MRC2: variants seen among roughly 807,000 people sequenced by gnomAD.
The protein encoded by MRC2 is C-type mannose receptor 2.
MRC2 carries 84 observed loss-of-function variants against 206.2 expected under a neutral mutation model. That is an observed-to-expected ratio of 0.41 (90% CI 0.34 to 0.49). The LOEUF is 0.49. MRC2 is among the 20% of genes least tolerant of loss of function. The pLI is 0.31. For missense variants in MRC2, 1,676 were observed against 2,001.5 expected, an observed-to-expected ratio of 0.84 and a Z score of 3.10; for synonymous variants, 798 against 800.0, an observed-to-expected ratio of 1.00 and a Z score of 0.04.
At chr17:62,690,910 C>T (rs2089102202) in intron 27 of MRC2, 39 bp from the exon 28 acceptor site, 1 of 1,532,196 alleles carries the variant, frequency 6.5e-7, no homozygotes, top group Non-Finnish European at 8.8e-7. Flanking sequence ...ACTCCTGCCC[C>T]ACCTTGTCCC....
At chr17:62,674,304 C>A in intron 9 of MRC2, 134 bp downstream of exon 9, 3 of 627,646 alleles carry the variant, frequency 4.8e-6, no homozygotes, top group Non-Finnish European at 5.4e-6. Flanking sequence ...CTGAGCTCTC[C>A]AAACTGCTCC....
In MRC2 at chr17:62,664,969, C is replaced by G; in HGVS notation, c.520+20C>G. The G allele has an allele frequency of 2.5e-6, 4 of 1,579,442 alleles. No homozygotes were observed. Among genetic ancestry groups the G allele is most frequent in the Non-Finnish European group, 3.4e-6 (4 of 1,164,964 alleles). ...ACCACGGTGAGGGGCCGCTTGCAGG[C>G]GGGAGGGTGGGGTCCCCGATGTCCA... On this transcript the variant is annotated intron_variant, in intron 2 of 29. Coordinates refer to ENST00000303375, the MANE Select transcript of MRC2 (RefSeq NM_006039.5). The surrounding 1 kb of genome is among the most constrained non-coding windows in gnomAD (Gnocchi z 4.7).
At chr17:62,631,339 C>G (rs2084214516) in intron 1 of MRC2, among the ~76,000 whole-genome samples, 1 of 152,038 alleles carries the variant, frequency 6.6e-6, no homozygotes, top group Admixed American at 6.6e-5. Context: ...GAGCAGGTGT[C>G]AGAGATTTGC....
chr17:62,648,403 G>T (rs1349222913), intron 1 of MRC2, among the ~76,000 whole-genome samples: 1 of 152,248 alleles, frequency 6.6e-6, no homozygotes, highest in African/African-American at 2.4e-5. Flanking sequence ...CCCAGTGTCT[G>T]CCAGGCCAAG....
intron 1 of MRC2, among the ~76,000 whole-genome samples, chr17:62,661,434 T>A (rs2088678001): frequency 6.6e-6 from 1 of 152,234 alleles, no homozygotes; most frequent in African/African-American, 2.4e-5. Context: ...TGTTGATACT[T>A]TCCCTAAGTT....
Position 62,666,685 on chromosome 17 carries a change from G to A in MRC2, c.859+66G>A, listed in dbSNP as rs2088760154. 6.4e-7 allele frequency: 1 copy of A among 1,566,444 alleles called. No homozygotes were observed. Among genetic ancestry groups the A allele is most frequent in the South Asian group, 1.2e-5 (1 of 84,456 alleles). On this transcript the variant is annotated intron_variant, in intron 4 of 29. Coordinates refer to ENST00000303375, the MANE Select transcript of MRC2 (RefSeq NM_006039.5). The surrounding 1 kb of genome is among the most constrained non-coding windows in gnomAD (Gnocchi z 5.0). ...CCGGGCCCTTTCCGCTTGTGGGTTG[G>A]GGAGAGGGCGATGGGGAGCGGGGGA...
intron 20 of MRC2, among the ~76,000 whole-genome samples, chr17:62,684,591 A>C (rs937922055): frequency 9.2e-5 from 14 of 152,058 alleles, no homozygotes; most frequent in African/African-American, 4.8e-5. Flanking sequence ...TTAGTCCTTC[A>C]TTGTTTTTAC....
chr17:62,636,203 A>G (rs1005322290), intron 1 of MRC2, among the ~76,000 whole-genome samples: 6 of 151,224 alleles, frequency 4.0e-5, no homozygotes, highest in African/African-American at 1.5e-4. Flanking sequence ...GCAGTGAGCT[A>G]TGATTGCACC....
rs926661605 is a variant in MRC2, at chr17:62,690,454, T to C, written c.3892+149T>C. ...CTCGTGCTCTCACATGTGGAGACCA[T>C]ACATGACACTATATGTGCATATGCT... On this transcript the variant is annotated intron_variant, in intron 26 of 29. Transcript: ENST00000303375. 10 of 1,332,110 alleles carry C rather than the reference T, an allele frequency of 7.5e-6. No individual in the cohort carries two copies. In the Admixed American group the frequency reaches 2.2e-4, roughly 29 times the overall value. The allele number at this position is 1,332,110 out of a possible 1,614,324, so 82.5% of individuals were successfully genotyped here. A position where few individuals can be genotyped will look rare whatever the true frequency, so the allele number is the denominator to read the frequency against.
In MRC2 at chr17:62,675,971, C is replaced by A; in HGVS notation, c.1685+66C>A. The A allele has an allele frequency of 1.5e-6, 2 of 1,358,548 alleles. No individual in the cohort carries two copies. Among genetic ancestry groups the A allele is most frequent in the Non-Finnish European group, 2.1e-6 (2 of 953,320 alleles). The allele number at this position is 1,358,548 out of a possible 1,614,324, so 84.2% of individuals were successfully genotyped here. On this transcript the variant is annotated intron_variant, in intron 10 of 29. Coordinates refer to ENST00000303375, the MANE Select transcript of MRC2 (RefSeq NM_006039.5). The surrounding 1 kb of genome is among the most constrained non-coding windows in gnomAD (Gnocchi z 4.1). ...TCTGGGCCTATTGTGGTCCCTTCAG[C>A]AAACAGGGTAGCATCTGCCATCATG... is the stretch of plus-strand genomic sequence containing the variant.
intron 18 of MRC2, chr17:62,681,378 A>G (rs962026671): frequency 1.8e-6 from 1 of 570,784 alleles, no homozygotes; most frequent in African/African-American, 1.9e-5. Flanking sequence ...CCAGCACATT[A>G]GTTACTAAAT....
chr17:62,628,856 C>A (rs1223034588), intron 1 of MRC2, among the ~76,000 whole-genome samples: 1 of 152,030 alleles, frequency 6.6e-6, no homozygotes, highest in Non-Finnish European at 1.5e-5. Flanking sequence ...GGGAATCGCC[C>A]GGCCCAGCTT....
chr17:62,680,030 A>G lies in MRC2; in HGVS notation c.2298+128A>G. 2.0e-6 allele frequency: 3 copies of G among 1,503,810 alleles called. No individual in the cohort carries two copies. Among genetic ancestry groups the G allele is most frequent in the Non-Finnish European group, 2.7e-6 (3 of 1,108,700 alleles). The allele number at this position is 1,503,810 out of a possible 1,614,324, so 93.2% of individuals were successfully genotyped here. A position where few individuals can be genotyped will look rare whatever the true frequency, so the allele number is the denominator to read the frequency against. On this transcript the variant is annotated intron_variant, in intron 14 of 29. Transcript: ENST00000303375. The surrounding 1 kb of genome is among the most constrained non-coding windows in gnomAD (Gnocchi z 4.8). ...GCCCCCAGTCGGAGCCGGCTTCAGGAAAGCAGGTCCGAGAGGGGTCACCCG... is the reference window on the plus strand; with the variant it reads ...GCCCCCAGTCGGAGCCGGCTTCAGGGAAGCAGGTCCGAGAGGGGTCACCCG...
intron 20 of MRC2, among the ~76,000 whole-genome samples, chr17:62,686,283 T>A (rs1390819709): frequency 6.6e-6 from 1 of 152,084 alleles, no homozygotes; most frequent in East Asian, 1.9e-4. Flanking sequence ...TGAAACCCTG[T>A]CTCTACTAAA....
rs1418373379 is a variant in MRC2 at position 62,680,744 on chromosome 17, G to A, written c.2474-56G>A. 4 of 1,448,436 alleles carry A rather than the reference G, an allele frequency of 2.8e-6. No homozygotes were observed. Among genetic ancestry groups the A allele is most frequent in the South Asian group, 3.0e-5 (2 of 67,534 alleles). The allele number at this position is 1,448,436 out of a possible 1,614,324, so 89.7% of individuals were successfully genotyped here. A position where few individuals can be genotyped will look rare whatever the true frequency, so the allele number is the denominator to read the frequency against. On this transcript the variant is annotated intron_variant, in intron 16 of 29. Coordinates refer to ENST00000303375, the MANE Select transcript of MRC2 (RefSeq NM_006039.5). This position sits in a 1 kb window ranked among gnomAD's most constrained non-coding sequence, Gnocchi z 4.8. ...CGGCCCTGCCGCGCCCGCCTCCGGG[G>A]CCTGGCGTGCAGCCTCTGCCTGGCC...
Position 62,666,225 on chromosome 17 carries a change from G to A in MRC2, c.652G>A (p.Asp218Asn). 1 of 1,602,240 alleles carries A rather than the reference G, an allele frequency of 6.2e-7. No homozygotes were observed. Among genetic ancestry groups the A allele is most frequent in the African/African-American group, 1.3e-5 (1 of 74,892 alleles). ...TCACCTGTGGTGTGCCACCACCCAGGACTACGGCAAAGACGAGCGCTGGGG... is the reference window on the plus strand; with the variant it reads ...TCACCTGTGGTGTGCCACCACCCAGAACTACGGCAAAGACGAGCGCTGGGG... ...DGHLWCATTQDYGKDERWGFC... is the reference protein window; with the variant it reads ...DGHLWCATTQNYGKDERWGFC... The change falls in exon 3 of 30, where the codon GAC becomes AAC. Residue 218 changes from aspartate (D) to asparagine (N), a missense_variant. Coordinates refer to ENST00000303375, the MANE Select transcript of MRC2 (RefSeq NM_006039.5). This position sits in a 1 kb window ranked among gnomAD's most constrained non-coding sequence, Gnocchi z 5.0.
At chr17:62,673,819 T>C (rs977365455) in intron 8 of MRC2, among the ~76,000 whole-genome samples, 65 of 152,132 alleles carry the variant, frequency 4.3e-4, no homozygotes, top group African/African-American at 1.5e-3. Flanking sequence ...CAGGATGCCT[T>C]TCCCATTTAG....
intron 1 of MRC2, among the ~76,000 whole-genome samples, chr17:62,632,502 C>A (rs1014702206): frequency 6.6e-6 from 1 of 152,218 alleles, no homozygotes; most frequent in African/African-American, 2.4e-5. Flanking sequence ...GAAGGACCAA[C>A]TTCTTCCTAG....
Position 62,667,950 on chromosome 17 carries a change from A to T in MRC2, c.1117+417A>T, listed in dbSNP as rs957414285. Among the ~76,000 whole-genome samples the T allele has an allele frequency of 9.2e-5, 14 of 152,302 alleles. No individual in the cohort carries two copies. Among genetic ancestry groups the T allele is most frequent in the Non-Finnish European group, 1.5e-5 (1 of 68,028 alleles). ...AATAACATTTGATTTGGGCCTTTCA[A>T]ATTGAGTCTAAGTTTAAAAGATATA... On this transcript the variant is annotated intron_variant, in intron 6 of 29. Coordinates refer to ENST00000303375, the MANE Select transcript of MRC2 (RefSeq NM_006039.5). The surrounding 1 kb of genome is among the most constrained non-coding windows in gnomAD (Gnocchi z 4.1).
Sources: allele counts gnomAD v4.1 joint callset (sites outside exome capture counted in the v4.1 genomes callset), GRCh38; gene constraint gnomAD v4.1.1; non-coding constraint Gnocchi (gnomAD v3.1); transcripts MANE v1.5; gene names NCBI Gene and HGNC (gene_info 2026-07-23, HGNC 2026-07-21).